Variants in DPP6 observed in about 807,000 individuals in gnomAD.
The protein encoded by DPP6 is dipeptidyl peptidase like 6.
A neutral mutation model predicts 122.6 loss-of-function variants in DPP6; 69 were observed. That is an observed-to-expected ratio of 0.56 (90% CI 0.46 to 0.69). The LOEUF (loss-of-function observed/expected upper bound fraction) is 0.69, where lower values mean the gene tolerates loss of function less well. Among genes scored for constraint, DPP6 ranks in the 30% least tolerant of loss-of-function variants. The pLI, the probability that DPP6 is intolerant of heterozygous loss-of-function variation, is 0.00. For missense variants in DPP6, 928 were observed against 1,116.9 expected, an observed-to-expected ratio of 0.83 and a Z score of 2.41; for synonymous variants, 418 against 433.1, an observed-to-expected ratio of 0.97 and a Z score of 0.43.
At chr7:154,720,392 A>G (rs1477759747) in intron 7 of DPP6, among the ~76,000 whole-genome samples, 1 of 152,230 alleles carries the variant, frequency 6.6e-6, no homozygotes, top group East Asian at 1.9e-4. Context: ...GAGGACCACA[A>G]AGCAGATGTT....
chr7:154,298,951 A>G (rs1235258743), intron 1 of DPP6, among the ~76,000 whole-genome samples: 5 of 152,144 alleles, frequency 3.3e-5, no homozygotes, highest in African/African-American at 7.2e-5. Context: ...GCCCACACCA[A>G]CTCGCCTTGG....
At chr7:154,825,792 C>A in intron 16 of DPP6, among the ~76,000 whole-genome samples, 1 of 152,148 alleles carries the variant, frequency 6.6e-6, no homozygotes, top group East Asian at 1.9e-4. Flanking sequence ...GCACACAGCA[C>A]GTGGAGAAGG....
At position 154,749,410 on chromosome 7, in the gene DPP6, A is replaced by C. The variant is rs1308902589; in HGVS notation, c.884-20007A>C. Among the ~76,000 whole-genome samples, 293 of 139,268 alleles carry C rather than the reference A, an allele frequency of 2.1e-3. 1 individual carries two copies. The highest frequency in any genetic ancestry group is 8.9e-3 in the African/African-American group (283 of 31,826). The allele number at this position is 139,268 out of a possible 152,430, so 91.4% of individuals were successfully genotyped here. A position where few individuals can be genotyped will look rare whatever the true frequency, so the allele number is the denominator to read the frequency against. ...AGAGAGGGATGGAGGCTTTACTGAG[A>C]GAGGGTGAGGGAGCATAGGACAGGA... On this transcript the variant is annotated intron_variant, in intron 8 of 25. Transcript: ENST00000377770.
intron 7 of DPP6, among the ~76,000 whole-genome samples, chr7:154,682,976 G>GTTGTT (rs1839375558): frequency 6.6e-6 from 1 of 151,728 alleles, no homozygotes; most frequent in Non-Finnish European, 1.5e-5. Flanking sequence ...TTTTTTTGTT[G>GTTGTT]TTGTTTTGTT....
chr7:154,617,745 C>T (rs997870945), intron 5 of DPP6, among the ~76,000 whole-genome samples: 2 of 152,150 alleles, frequency 1.3e-5, no homozygotes, highest in African/African-American at 4.8e-5. Flanking sequence ...ACCCTTCCCC[C>T]AAGAAAATAG....
chr7:153,889,914 A>AT (rs1487548930), intron 1 of DPP6, among the ~76,000 whole-genome samples: 1 of 152,154 alleles, frequency 6.6e-6, no homozygotes, highest in African/African-American at 2.4e-5. Flanking sequence ...ACTTATTTGA[A>AT]TTTTCATGTT....
chr7:154,108,805 C>T (rs986759655), intron 1 of DPP6, among the ~76,000 whole-genome samples: 1 of 152,204 alleles, frequency 6.6e-6, no homozygotes, highest in Non-Finnish European at 1.5e-5. Flanking sequence ...ATATACGTTA[C>T]CACCAACCAA....
chr7:154,253,841 G>C (rs1802497128), intron 1 of DPP6, among the ~76,000 whole-genome samples: 1 of 152,230 alleles, frequency 6.6e-6, no homozygotes, highest in African/African-American at 2.4e-5. Context: ...TTAACAGGAA[G>C]CATGGCCAGG....
intron 1 of DPP6, among the ~76,000 whole-genome samples, chr7:153,961,668 C>T (rs895674434): frequency 2.6e-5 from 4 of 151,650 alleles, no homozygotes; most frequent in African/African-American, 9.7e-5. Flanking sequence ...AATAACTGTA[C>T]AACTCCCCAT....
chr7:153,778,007 A>C, the DPP6 span, among the ~76,000 whole-genome samples: 4 of 146,602 alleles, frequency 2.7e-5, no homozygotes, highest in African/African-American at 1.1e-4. Context: ...GGACAGGAAC[A>C]AACCAGTTAC....
chr7:153,917,463 T>A (rs1800375610), intron 1 of DPP6, among the ~76,000 whole-genome samples: 1 of 152,238 alleles, frequency 6.6e-6, no homozygotes. Flanking sequence ...TGGCCCATGC[T>A]GGTGGCAGTT....
upstream of DPP6, among the ~76,000 whole-genome samples, chr7:154,049,581 C>CATTTATTTATTTATTT (rs199596759): frequency 6.4e-3 from 855 of 132,968 alleles, 31 homozygotes; most frequent in Middle Eastern, 0.024. Context: ...AGGTATAGAA[C>CATTTATTTATTTATTT]ATTTATTTAT....
intron 1 of DPP6, among the ~76,000 whole-genome samples, chr7:154,196,958 C>T (rs1488672752): frequency 2.6e-5 from 4 of 152,064 alleles, no homozygotes; most frequent in Non-Finnish European, 4.4e-5. Flanking sequence ...CTCTCAGATT[C>T]CAGTAAAATC....
chr7:154,771,828 C>A (rs1441686715), intron 9 of DPP6, among the ~76,000 whole-genome samples: 2 of 152,160 alleles, frequency 1.3e-5, no homozygotes, highest in African/African-American at 2.4e-5. Context: ...TGGAAGGGTC[C>A]AGCATTTTAG....
chr7:153,961,627 C>A (rs1795357289), intron 1 of DPP6, among the ~76,000 whole-genome samples: 1 of 151,714 alleles, frequency 6.6e-6, no homozygotes, highest in Non-Finnish European at 1.5e-5. Context: ...CACTTTATTT[C>A]TTATTCTTAT....
the DPP6 span, among the ~76,000 whole-genome samples, chr7:153,806,999 C>G: frequency 2.0e-5 from 3 of 151,962 alleles, no homozygotes; most frequent in African/African-American, 7.3e-5. Context: ...TTCTTTTTTA[C>G]TAAAATTCTT....
chr7:154,109,205 A>G (rs1259027869), intron 1 of DPP6, among the ~76,000 whole-genome samples: 2 of 152,300 alleles, frequency 1.3e-5, no homozygotes, highest in African/African-American at 4.8e-5. Flanking sequence ...TGGAGTAAAT[A>G]TGAAAACTAA....
At chr7:154,010,189 T>C (rs1172399602) in intron 1 of DPP6, among the ~76,000 whole-genome samples, 1 of 152,182 alleles carries the variant, frequency 6.6e-6, no homozygotes, top group Non-Finnish European at 1.5e-5. Context: ...AAATAAAGAA[T>C]ACAAATCAGC....
chr7:154,874,380 C>G (rs1054733315), intron 19 of DPP6, among the ~76,000 whole-genome samples: 1 of 152,178 alleles, frequency 6.6e-6, no homozygotes, highest in Non-Finnish European at 1.5e-5. Flanking sequence ...CGGACGGGAC[C>G]GGCCAGGCAA....
Sources: allele counts gnomAD v4.1 joint callset (sites outside exome capture counted in the v4.1 genomes callset), GRCh38; gene constraint gnomAD v4.1.1; transcripts MANE v1.5; gene names NCBI Gene and HGNC (gene_info 2026-07-23, HGNC 2026-07-21).